Variants in MAP3K19 observed in about 807,000 individuals in gnomAD.
MAP3K19 encodes the protein SPS1/STE20-related protein kinase YSK4.
In MAP3K19, 91 loss-of-function variants were observed where a neutral mutation model predicts 114.4. That is an observed-to-expected ratio of 0.80 (90% CI 0.67 to 0.95). The LOEUF (loss-of-function observed/expected upper bound fraction) is 0.95. Ranked by LOEUF, MAP3K19 falls within the 40% of genes least tolerant of loss-of-function variation. MAP3K19 has a pLI of 0.00. For missense variants in MAP3K19, 1,471 were observed against 1,573.2 expected, an observed-to-expected ratio of 0.94 and a Z score of 1.10; for synonymous variants, 518 against 530.5, an observed-to-expected ratio of 0.98 and a Z score of 0.32.
intron 5 of MAP3K19, 127 bp from the exon 6 acceptor site, chr2:135,005,658 A>G (rs1041209378): frequency 1.2e-4 from 79 of 682,088 alleles, no homozygotes; most frequent in Middle Eastern, 1.1e-3. Context: ...TGGATAAAGT[A>G]TTTAGGACTA....
chr2:134,993,871 T>A (rs1685792647), intron 8 of MAP3K19, among the ~76,000 whole-genome samples: 1 of 152,114 alleles, frequency 6.6e-6, no homozygotes, highest in South Asian at 2.1e-4. Flanking sequence ...AGTAGCCAGG[T>A]GTGGTGCCAT....
chr2:134,991,573 C>T lies in MAP3K19; in HGVS notation c.582G>A (p.Ser194=), dbSNP rs766667316. 9 of 1,612,920 alleles carry T rather than the reference C, an allele frequency of 5.6e-6. No homozygotes were observed. The Admixed American group carries it at 1.0e-4, about 18-fold the overall frequency. Residue 194 remains serine (S), a synonymous_variant, in exon 9 of 13, where the codon TCG becomes TCA. Coordinates refer to ENST00000392915, the MANE Select transcript of MAP3K19 (RefSeq NM_025052.5). ...KEQQRKSEEF[S]TSHMKYSGRS... is the part of the protein sequence containing the mutation. ...GGCCACTGTACTTCATATGAGAGGT[C>T]GAAAACTCTACAACAAGAAAAACAA...
intron 3 of MAP3K19, among the ~76,000 whole-genome samples, chr2:135,025,377 CTTTTT>C (rs754598942): frequency 2.9e-3 from 199 of 69,528 alleles, no homozygotes; most frequent in African/African-American, 0.012. Flanking sequence ...CTTTTCTTTT[CTTTTT>C]TTTTTTTTTT....
intron 5 of MAP3K19, among the ~76,000 whole-genome samples, chr2:135,009,745 T>C (rs1687085269): frequency 1.3e-5 from 2 of 152,202 alleles, no homozygotes; most frequent in African/African-American, 4.8e-5. Context: ...CTATATGCGT[T>C]ACACATATTA....
At chr2:135,033,956 T>G (rs1438513028) in intron 2 of MAP3K19, among the ~76,000 whole-genome samples, 10 of 52,000 alleles carry the variant, frequency 1.9e-4, no homozygotes, top group Admixed American at 5.8e-4. Context: ...CTGCCGGGCG[T>G]AGGGGCTCCT....
At chr2:135,035,897 C>T (rs1188086661) in intron 2 of MAP3K19, among the ~76,000 whole-genome samples, 6 of 152,118 alleles carry the variant, frequency 3.9e-5, no homozygotes, top group African/African-American at 1.4e-4. Context: ...TGCAATGGCA[C>T]GATCTCGGCT....
At chr2:135,002,784 C>A (rs979773469) in intron 6 of MAP3K19, among the ~76,000 whole-genome samples, 8 of 152,048 alleles carry the variant, frequency 5.3e-5, no homozygotes, top group African/African-American at 1.9e-4. Context: ...GTGGGAGCGG[C>A]TCTCTGGTTA....
At chr2:134,966,063 A>C (rs1683325831) in intron 12 of MAP3K19, among the ~76,000 whole-genome samples, 1 of 151,984 alleles carries the variant, frequency 6.6e-6, no homozygotes, top group Non-Finnish European at 1.5e-5. Context: ...ATAAGACTTC[A>C]TTTTTTTTAT....
chr2:134,990,774 C>T (rs908762452), intron 9 of MAP3K19, among the ~76,000 whole-genome samples: 19 of 152,140 alleles, frequency 1.2e-4, no homozygotes, highest in Non-Finnish European at 2.2e-4. Context: ...ACACCTGGCC[C>T]CTTATGATTT....
At chr2:135,008,432 T>C (rs575275982) in intron 5 of MAP3K19, among the ~76,000 whole-genome samples, 106 of 152,316 alleles carry the variant, frequency 7.0e-4, no homozygotes, top group African/African-American at 2.5e-3. Context: ...ATAGTACTTC[T>C]TTAATAAGCC....
chr2:134,997,931 A>G (rs946630731), intron 8 of MAP3K19, among the ~76,000 whole-genome samples: 2 of 152,066 alleles, frequency 1.3e-5, no homozygotes, highest in Admixed American at 6.6e-5. Flanking sequence ...GATGTGTCAC[A>G]GCTCCACTGG....
intron 1 of MAP3K19, among the ~76,000 whole-genome samples, chr2:135,040,933 C>A (rs1688633763): frequency 6.6e-6 from 1 of 152,134 alleles, no homozygotes; most frequent in African/African-American, 2.4e-5. Flanking sequence ...TATCTCTGGG[C>A]TGCATTTACT....
At chr2:134,968,061 C>G (rs966826579) in intron 12 of MAP3K19, among the ~76,000 whole-genome samples, 12 of 152,166 alleles carry the variant, frequency 7.9e-5, no homozygotes, top group Non-Finnish European at 1.5e-4. Flanking sequence ...GGTGATGACT[C>G]CCAACGAGCA....
At chr2:135,017,054 G>A (rs961792827) in intron 5 of MAP3K19, among the ~76,000 whole-genome samples, 2 of 151,962 alleles carry the variant, frequency 1.3e-5, no homozygotes, top group Non-Finnish European at 2.9e-5. Flanking sequence ...GATGTCATCT[G>A]CATTCCTTGT....
chr2:134,983,088 T>C, intron 11 of MAP3K19: 1 of 423,958 alleles, frequency 2.4e-6, no homozygotes, highest in South Asian at 1.8e-5. Flanking sequence ...TAATTGGAAA[T>C]ACACAATATA....
intron 5 of MAP3K19, among the ~76,000 whole-genome samples, chr2:135,010,767 CTA>C (rs1687162737): frequency 6.6e-6 from 1 of 152,114 alleles, no homozygotes; most frequent in Non-Finnish European, 1.5e-5. Context: ...GTAACTGGAA[CTA>C]CAGAGGCACG....
intron 8 of MAP3K19, among the ~76,000 whole-genome samples, chr2:134,994,969 C>T (rs1016064423): frequency 1.3e-5 from 2 of 152,054 alleles, no homozygotes; most frequent in African/African-American, 4.8e-5. Context: ...CTCCGTGTAC[C>T]CTTTCTCAAG....
chr2:134,977,486 C>T (rs1559139829), intron 12 of MAP3K19, among the ~76,000 whole-genome samples: 1 of 150,842 alleles, frequency 6.6e-6, no homozygotes, highest in Non-Finnish European at 1.5e-5. Context: ...GCTCAGCCTC[C>T]CGAGTAGCTG....
intron 9 of MAP3K19, among the ~76,000 whole-genome samples, chr2:134,989,892 A>T (rs1208922898): frequency 1.3e-5 from 2 of 152,024 alleles, no homozygotes; most frequent in Non-Finnish European, 2.9e-5. Context: ...GACCCACCTG[A>T]CCAACATGGT....
Sources: allele counts gnomAD v4.1 joint callset (sites outside exome capture counted in the v4.1 genomes callset), GRCh38; gene constraint gnomAD v4.1.1; transcripts MANE v1.5; gene names NCBI Gene and HGNC (gene_info 2026-07-23, HGNC 2026-07-21).